The following LRP1B variants were observed in gnomAD, a reference collection of about 807,000 sequenced individuals.
LRP1B encodes the protein low-density lipoprotein receptor-related protein 1B.
A neutral mutation model predicts 556.6 loss-of-function variants in LRP1B; 217 were observed. The ratio of observed to expected loss-of-function variants is 0.39; its 90% CI spans 0.35 to 0.44. The LOEUF (loss-of-function observed/expected upper bound fraction) is 0.44. LRP1B is among the 20% of genes least tolerant of loss of function. The pLI is 1.00. For synonymous variants in LRP1B, 2,047 were observed against 1,865.8 expected, an observed-to-expected ratio of 1.10 and a Z score of -2.50; for missense variants, 5,053 against 5,620.8, an observed-to-expected ratio of 0.90 and a Z score of 3.23.
chr2:140,654,987 G>A (rs1684825293), intron 41 of LRP1B, among the ~76,000 whole-genome samples: 1 of 150,462 alleles, frequency 6.6e-6, no homozygotes, highest in East Asian at 1.9e-4. Context: ...GCTGGGCACA[G>A]TAGCCCTGAG....
At chr2:140,463,829 T>C (rs1444151035) in intron 60 of LRP1B, among the ~76,000 whole-genome samples, 1 of 152,166 alleles carries the variant, frequency 6.6e-6, no homozygotes, top group African/African-American at 2.4e-5. Context: ...AAAATAAACT[T>C]GTGTCTCTCC....
rs752203582 is a variant in LRP1B, at chr2:140,510,009, C to A, written c.8317G>T (p.Ala2773Ser). ...ADMFSCQGSRACVPRHWLCDG... is the reference protein window; with the variant it reads ...ADMFSCQGSRSCVPRHWLCDG... ...CAAAGCCAATGTCGGGGCACGCAGG[C>A]ACGAGAGCCCTGGCAGCTGAACATG... Residue 2773 changes from alanine to serine, a missense_variant, in exon 52 of 91, where the codon GCC becomes TCC. By Grantham distance (99) the Ala-to-Ser change is moderately conservative. Around this residue, in one of 5 missense-constraint regions of LRP1B, gnomAD observed 3,619 missense variants for 3,931.9 expected, o/e 0.92. Transcript: ENST00000389484. The A allele has an allele frequency of 5.0e-6, 8 of 1,613,842 alleles. No homozygotes were observed. The highest frequency in any genetic ancestry group is 5.9e-6 in the Non-Finnish European group (7 of 1,180,028).
At chr2:141,255,371 T>C (rs1340776388) in intron 3 of LRP1B, among the ~76,000 whole-genome samples, 1 of 152,034 alleles carries the variant, frequency 6.6e-6, no homozygotes, top group Non-Finnish European at 1.5e-5. Context: ...GTTTTTACTC[T>C]TTTCCCCAGA....
intron 3 of LRP1B, among the ~76,000 whole-genome samples, chr2:141,409,004 A>G (rs1215874332): frequency 6.6e-6 from 1 of 152,138 alleles, no homozygotes; most frequent in African/African-American, 2.4e-5. Flanking sequence ...GCTTCTGTGT[A>G]ATATTGAGTT....
At chr2:141,371,920 A>G (rs1170911127) in intron 3 of LRP1B, among the ~76,000 whole-genome samples, 7 of 152,104 alleles carry the variant, frequency 4.6e-5, no homozygotes, top group Non-Finnish European at 1.0e-4. Context: ...CAAGACTGAT[A>G]AAAGTGGGCA....
chr2:140,273,531 C>A (rs1405827828), intron 85 of LRP1B, among the ~76,000 whole-genome samples: 1 of 151,970 alleles, frequency 6.6e-6, no homozygotes, highest in African/African-American at 2.4e-5. Context: ...ATGCTCTTTG[C>A]AATCAAATTT....
chr2:140,796,544 A>G (rs987269264), intron 32 of LRP1B, among the ~76,000 whole-genome samples: 10 of 152,198 alleles, frequency 6.6e-5, no homozygotes, highest in African/African-American at 2.4e-4. Flanking sequence ...ACAACTATGT[A>G]CTGTACTTAG....
chr2:141,304,748 G>A (rs57567311), intron 3 of LRP1B, among the ~76,000 whole-genome samples: 15,776 of 151,740 alleles, frequency 0.1, 978 homozygotes, highest in East Asian at 0.16. Flanking sequence ...TGATCCACCC[G>A]CCTCAGCCTC....
At position 140,356,454 on chromosome 2, in the gene LRP1B, T is replaced by C. The variant is rs374086403; in HGVS notation, c.11418A>G (p.Glu3806=). 1.9e-6 allele frequency: 3 copies of C among 1,606,032 alleles called. No individual in the cohort carries two copies. The African/African-American group carries it at 4.0e-5, about 22-fold the overall frequency. Residue 3806 remains glutamate, a synonymous_variant, in exon 75 of 91, where the codon GAA becomes GAG. Transcript: ENST00000389484. The part of the protein sequence containing the change: ...CRIAPTEYTC[E]DNVNPCGDDA... ...CATCTCCACATGGATTCACATTATC[T>C]TCACAGGTATATTCAGTAGGAGCTG...
At chr2:141,743,526 T>C (rs577636162) in intron 2 of LRP1B, among the ~76,000 whole-genome samples, 8 of 143,720 alleles carry the variant, frequency 5.6e-5, no homozygotes, top group African/African-American at 1.6e-4. Context: ...TTGATTAGTT[T>C]GAGTAGAGTT....
intron 3 of LRP1B, among the ~76,000 whole-genome samples, chr2:141,393,467 C>T (rs961967945): frequency 2.6e-5 from 4 of 152,136 alleles, no homozygotes; most frequent in Non-Finnish European, 5.9e-5. Context: ...GAAAATTTCC[C>T]ATACACTGTG....
chr2:141,391,507 GA>G (rs10716982), intron 3 of LRP1B, among the ~76,000 whole-genome samples: 4,011 of 151,760 alleles, frequency 0.026, 175 homozygotes, highest in African/African-American at 0.091. Context: ...AATAAGGTTG[GA>G]AAAAAAATTG....
rs555117696 is a variant in LRP1B at position 140,670,801 on chromosome 2, C to T, written c.6799+29449G>A. On this transcript the variant is annotated intron_variant, in intron 41 of 90. Transcript: ENST00000389484. ...CAGAATATGTGTCTTGATAAAATTA[C>T]GACATATTAGGTTAAGGGGATCGAA... 7.9e-5 allele frequency among the ~76,000 whole-genome samples: 12 copies of T among 152,126 alleles called. 1 individual carries two copies. Among genetic ancestry groups the T allele is most frequent in the African/African-American group, 1.7e-4 (7 of 41,510 alleles).
At chr2:140,703,301 C>T (rs1686712753) in intron 37 of LRP1B, among the ~76,000 whole-genome samples, 1 of 151,864 alleles carries the variant, frequency 6.6e-6, no homozygotes, top group Non-Finnish European at 1.5e-5. Context: ...AAATGTCATG[C>T]AGAAAGAACA....
intron 14 of LRP1B, among the ~76,000 whole-genome samples, chr2:141,009,049 T>C (rs752471844): frequency 5.3e-5 from 8 of 151,970 alleles, no homozygotes; most frequent in Non-Finnish European, 1.2e-4. Flanking sequence ...TTCCTTAATC[T>C]GAATTTTCTT....
chr2:141,823,770 G>A (rs1696833577), intron 1 of LRP1B, among the ~76,000 whole-genome samples: 1 of 152,196 alleles, frequency 6.6e-6, no homozygotes, highest in Non-Finnish European at 1.5e-5. Flanking sequence ...CCAGGCTCAA[G>A]CAATCCTTCC....
chr2:140,550,172 A>C (rs1680495009), intron 43 of LRP1B, among the ~76,000 whole-genome samples: 1 of 152,084 alleles, frequency 6.6e-6, no homozygotes, highest in Admixed American at 6.6e-5. Flanking sequence ...AGACTTTTAA[A>C]AACCTGGATT....
In LRP1B at chr2:140,316,760, G is replaced by T. The variant is rs940104543; in HGVS notation, c.12641-1661C>A. ...GAAAAAAAATATAAAATATAAAATT[G>T]TAACACTTTGTAAATATTAAGTACA... On this transcript the variant is annotated intron_variant, in intron 82 of 90. Coordinates refer to ENST00000389484, the MANE Select transcript of LRP1B (RefSeq NM_018557.3). 6.0e-5 allele frequency among the ~76,000 whole-genome samples: 9 copies of T among 151,136 alleles called. 1 individual carries two copies. The highest frequency in any genetic ancestry group is 2.2e-4 in the African/African-American group (9 of 40,630).
intron 41 of LRP1B, chr2:140,683,643 C>A: frequency 1.4e-6 from 1 of 692,646 alleles, no homozygotes. Flanking sequence ...GGTATTCCAT[C>A]CGAGTCCTCC....
Sources: gnomAD v4.1 joint callset for allele counts (sites outside exome capture counted in the v4.1 genomes callset) on GRCh38, gnomAD v4.1.1 for gene constraint, gnomAD v4.1.1 regional missense constraint, MANE v1.5 for transcripts, NCBI Gene and HGNC (gene_info 2026-07-23, HGNC 2026-07-21) for gene names.